ADK: variants seen among roughly 807,000 people sequenced by gnomAD.
ADK encodes N6,N6-dimethyladenosine kinase.
Under a neutral mutation model 44.7 loss-of-function variants are expected in ADK, and 24 were observed. The observed-to-expected ratio is 0.54, with a 90% CI of 0.39 to 0.76. The LOEUF (loss-of-function observed/expected upper bound fraction) is 0.76. Ranked by LOEUF, ADK falls within the 30% of genes least tolerant of loss-of-function variation. ADK has a pLI of 0.00. For missense variants in ADK, 321 were observed against 425.1 expected, an observed-to-expected ratio of 0.76 and a Z score of 2.15; for synonymous variants, 128 against 142.6, an observed-to-expected ratio of 0.90 and a Z score of 0.73.
At chr10:74,609,376 C>G (rs943407525) in intron 9 of ADK, among the ~76,000 whole-genome samples, 1 of 152,050 alleles carries the variant, frequency 6.6e-6, no homozygotes, top group Non-Finnish European at 1.5e-5. Flanking sequence ...TGTAGGTACC[C>G]GAAGAAATCT....
chr10:74,435,727 C>A (rs1322077789), intron 6 of ADK, among the ~76,000 whole-genome samples: 3 of 151,992 alleles, frequency 2.0e-5, no homozygotes, highest in Admixed American at 6.6e-5. Flanking sequence ...TTACTTCTCA[C>A]CGGTACCAAT....
chr10:74,353,451 A>G (rs909367322), intron 4 of ADK, among the ~76,000 whole-genome samples: 8 of 151,568 alleles, frequency 5.3e-5, no homozygotes, highest in African/African-American at 9.7e-5. Context: ...ACAAATACCT[A>G]TTGCATGCAG....
At chr10:74,292,046 C>G (rs564626262) in intron 3 of ADK, among the ~76,000 whole-genome samples, 4 of 152,118 alleles carry the variant, frequency 2.6e-5, no homozygotes, top group African/African-American at 9.6e-5. Flanking sequence ...ATCATGAGCC[C>G]GTGGGATTGT....
chr10:74,287,121 A>G (rs936556787), intron 3 of ADK, among the ~76,000 whole-genome samples: 5 of 152,194 alleles, frequency 3.3e-5, no homozygotes, highest in African/African-American at 9.7e-5. Flanking sequence ...CAAGATAGCA[A>G]TACAAGAATT....
intron 9 of ADK, among the ~76,000 whole-genome samples, chr10:74,642,766 A>G (rs1853912774): frequency 6.9e-6 from 1 of 145,630 alleles, no homozygotes; most frequent in African/African-American, 2.6e-5. Flanking sequence ...TTCAAAACTT[A>G]TTCTCCTGAG....
chr10:74,271,743 C>T (rs931823726), intron 3 of ADK, among the ~76,000 whole-genome samples: 1 of 150,976 alleles, frequency 6.6e-6, no homozygotes, highest in African/African-American at 2.4e-5. Context: ...GACATGAACT[C>T]ATCATTTTTT....
chr10:74,176,680 A>G (rs1842350170), intron 1 of ADK: 5 of 1,440,740 alleles, frequency 3.5e-6, no homozygotes, highest in Non-Finnish European at 3.6e-6. Flanking sequence ...CACGGGGCGG[A>G]GCGCCCGCCT....
At chr10:74,202,871 A>G (rs537079131) in intron 2 of ADK, among the ~76,000 whole-genome samples, 1 of 152,372 alleles carries the variant, frequency 6.6e-6, no homozygotes, top group African/African-American at 2.4e-5. Flanking sequence ...CAGCTAGCAT[A>G]TGATTTGCAA....
intron 6 of ADK, among the ~76,000 whole-genome samples, chr10:74,412,569 A>G (rs1844222039): frequency 6.6e-6 from 1 of 152,226 alleles, no homozygotes; most frequent in Non-Finnish European, 1.5e-5. Flanking sequence ...CTTAAATAAG[A>G]TTTGAAAGTC....
chr10:74,501,517 C>T (rs1847883353), intron 6 of ADK, among the ~76,000 whole-genome samples: 1 of 151,966 alleles, frequency 6.6e-6, no homozygotes. Context: ...CCCTTTAAAT[C>T]TTTTTTAAAA....
At chr10:74,474,816 A>C (rs1022485950) in intron 6 of ADK, among the ~76,000 whole-genome samples, 2 of 152,050 alleles carry the variant, frequency 1.3e-5, no homozygotes, top group African/African-American at 4.8e-5. Context: ...GAGCCACTAC[A>C]CCTGGTTTGT....
At chr10:74,266,495 G>A (rs1222644133) in intron 3 of ADK, among the ~76,000 whole-genome samples, 2 of 152,084 alleles carry the variant, frequency 1.3e-5, no homozygotes, top group African/African-American at 4.8e-5. Flanking sequence ...AGGAGAGGTT[G>A]CTGTGATCGG....
chr10:74,702,532 C>CTTCCTTCCTTCT (rs1856465112), intron 10 of ADK, among the ~76,000 whole-genome samples: 3 of 143,094 alleles, frequency 2.1e-5, no homozygotes, highest in South Asian at 2.3e-4. Flanking sequence ...TCTTTCCTTC[C>CTTCCTTCCTTCT]TTCCTTCCTT....
At chr10:74,189,801 T>G (rs1485473478) in intron 1 of ADK, among the ~76,000 whole-genome samples, 1 of 152,216 alleles carries the variant, frequency 6.6e-6, no homozygotes, top group Non-Finnish European at 1.5e-5. Flanking sequence ...ACCTTGTCCC[T>G]ACAAATTTGC....
intron 9 of ADK, among the ~76,000 whole-genome samples, chr10:74,640,559 C>T (rs1337636344): frequency 1.3e-5 from 2 of 152,206 alleles, no homozygotes; most frequent in Non-Finnish European, 2.9e-5. Context: ...GCTAAAAAAT[C>T]TCTAATATAT....
At chr10:74,231,980 A>G (rs779024694) in intron 3 of ADK, among the ~76,000 whole-genome samples, 24 of 136,576 alleles carry the variant, frequency 1.8e-4, no homozygotes, top group Non-Finnish European at 3.5e-4. Flanking sequence ...TTTTTCTTTT[A>G]CTGATATGGT....
At chr10:74,322,289 G>A (rs1358059242) in intron 4 of ADK, among the ~76,000 whole-genome samples, 1 of 152,182 alleles carries the variant, frequency 6.6e-6, no homozygotes, top group Non-Finnish European at 1.5e-5. Context: ...TTGTAGAAAT[G>A]TCAGTAGCAC....
chr10:74,405,766 G>C (rs1013673650), intron 6 of ADK, among the ~76,000 whole-genome samples: 3 of 152,110 alleles, frequency 2.0e-5, no homozygotes, highest in Non-Finnish European at 4.4e-5. Context: ...AAAAACGTTG[G>C]AGACTTTGAT....
At chr10:74,429,087 G>A (rs904047971) in intron 6 of ADK, among the ~76,000 whole-genome samples, 4 of 152,154 alleles carry the variant, frequency 2.6e-5, no homozygotes, top group Non-Finnish European at 5.9e-5. Flanking sequence ...TTTATTTTTG[G>A]AACTTTTTGT....
Sources: gnomAD v4.1 joint callset for allele counts (sites outside exome capture counted in the v4.1 genomes callset) on GRCh38, gnomAD v4.1.1 for gene constraint, MANE v1.5 for transcripts, NCBI Gene and HGNC (gene_info 2026-07-23, HGNC 2026-07-21) for gene names.